Variants in GSE1 observed in about 807,000 individuals in gnomAD.
GSE1 encodes Gse1 coiled-coil protein.
Under a neutral mutation model 112.6 loss-of-function variants are expected in GSE1, and 32 were observed. That is an observed-to-expected ratio of 0.28 (90% confidence interval 0.21 to 0.38). GSE1 has a LOEUF of 0.38. Among genes scored for constraint, GSE1 ranks in the 10% least tolerant of loss-of-function variants. GSE1 has a pLI of 1.00. For missense variants in GSE1, 2,348 were observed against 1,699.2 expected (o/e 1.38, Z -6.71); for synonymous variants, 1,115 against 735.6 (o/e 1.52, Z -8.35).
chr16:85,415,551 C>A (rs998528331), intron 2 of GSE1, among the ~76,000 whole-genome samples: 1 of 152,244 alleles, frequency 6.6e-6, no homozygotes, highest in Non-Finnish European at 1.5e-5. Context: ...GCCGCCTTCT[C>A]AGCCCCCGTC....
intron 1 of GSE1, among the ~76,000 whole-genome samples, chr16:85,567,309 C>G (rs2151312563): frequency 6.6e-6 from 1 of 152,314 alleles, no homozygotes; most frequent in East Asian, 1.9e-4. Flanking sequence ...ATTCTCCCAG[C>G]TGCTGTGCGT....
chr16:85,624,990 C>G (rs1000847598), intron 1 of GSE1, among the ~76,000 whole-genome samples: 23 of 152,192 alleles, frequency 1.5e-4, no homozygotes, highest in Non-Finnish European at 3.4e-4. Context: ...GTACAGGTAG[C>G]CGGCGCCCTG....
In GSE1 at chr16:85,193,357, TG is replaced by T. The variant is rs1207757990; in HGVS notation, c.2283+21551del. ...AAATTTATTCTTATTTTTATTTTTT[TG>T]TAGAGGCAGGATATTGCTCAGTCAC... On this transcript the variant is annotated intron_variant, in intron 1 of 2. Coordinates refer to the GSE1 transcript ENST00000637419. Among the ~76,000 whole-genome samples the T allele has an allele frequency of 2.0e-5, 3 of 152,330 alleles. No individual in the cohort carries two copies. In the East Asian group the frequency reaches 5.8e-4, roughly 29 times the overall value.
At chr16:85,649,520 C>T (rs2051157194) in intron 3 of GSE1, among the ~76,000 whole-genome samples, 1 of 152,180 alleles carries the variant, frequency 6.6e-6, no homozygotes, top group African/African-American at 2.4e-5. Context: ...TCTGTGGGCC[C>T]CTCGCTCTGC....
intron 2 of GSE1, among the ~76,000 whole-genome samples, chr16:85,397,000 G>T (rs1294513103): frequency 1.3e-5 from 2 of 152,340 alleles, no homozygotes; most frequent in East Asian, 3.9e-4. Context: ...GTGAAAAGCA[G>T]AGCAAGGACC....
upstream of GSE1, among the ~76,000 whole-genome samples, chr16:85,551,268 A>G (rs2044901381): frequency 6.6e-6 from 1 of 152,150 alleles, no homozygotes; most frequent in Non-Finnish European, 1.5e-5. Context: ...CTTGGACAGA[A>G]TCCCTCTGGT....
chr16:85,251,613 C>T lies in GSE1; in HGVS notation c.2283+79806C>T, dbSNP rs915622233. ...AGGGGCTGGGCCCGGGGCCTGCCTG[C>T]CTGTGGTGGTGCCTCCCGGGCCTTG... On this transcript the variant is annotated intron_variant, in intron 1 of 2. Coordinates refer to the GSE1 transcript ENST00000637419. Among the ~76,000 whole-genome samples, 10 of 152,248 alleles carry T rather than the reference C, an allele frequency of 6.6e-5. 1 individual carries two copies. The highest frequency in any genetic ancestry group is 2.4e-4 in the African/African-American group (10 of 41,470).
At chr16:85,269,926 G>T (rs567090813) in intron 1 of GSE1, among the ~76,000 whole-genome samples, 1 of 149,706 alleles carries the variant, frequency 6.7e-6, no homozygotes, top group African/African-American at 2.4e-5. Flanking sequence ...TGGACGCTTT[G>T]GAGGGCTTTT....
intron 1 of GSE1, among the ~76,000 whole-genome samples, chr16:85,269,747 C>T (rs1029669865): frequency 2.0e-5 from 3 of 149,408 alleles, no homozygotes; most frequent in Admixed American, 2.0e-4. Context: ...CGCCCTTGCA[C>T]CTGGCACTCT....
intron 8 of GSE1, among the ~76,000 whole-genome samples, chr16:85,659,006 G>A (rs1481627232): frequency 6.6e-6 from 1 of 152,244 alleles, no homozygotes; most frequent in Non-Finnish European, 1.5e-5. Flanking sequence ...GGCCTGACAG[G>A]GCCCTCATGC....
chr16:85,408,112 A>C (rs1270418239), intron 2 of GSE1, among the ~76,000 whole-genome samples: 1 of 30,558 alleles, frequency 3.3e-5, no homozygotes, highest in Non-Finnish European at 6.3e-5. Context: ...GATAATCCTC[A>C]CTGTTACTCT....
chr16:85,398,690 G>C (rs9934875), intron 2 of GSE1, among the ~76,000 whole-genome samples: 92,112 of 151,912 alleles, frequency 0.61, 28,372 homozygotes, highest in East Asian at 0.75. Context: ...CATTTCAGAT[G>C]CTACAACTTT....
At chr16:85,600,928 C>T (rs2047436279) in intron 1 of GSE1, among the ~76,000 whole-genome samples, 1 of 152,168 alleles carries the variant, frequency 6.6e-6, no homozygotes, top group Non-Finnish European at 1.5e-5. Context: ...AACGGCTCAG[C>T]TCAGTGAGCG....
intron 2 of GSE1, among the ~76,000 whole-genome samples, chr16:85,539,916 C>A: frequency 6.6e-6 from 1 of 152,190 alleles, no homozygotes; most frequent in East Asian, 1.9e-4. Flanking sequence ...CCTCGTGGGG[C>A]CTGTGACCTG....
intron 1 of GSE1, among the ~76,000 whole-genome samples, chr16:85,255,506 G>A (rs1200580469): frequency 6.6e-6 from 1 of 151,706 alleles, no homozygotes; most frequent in Non-Finnish European, 1.5e-5. Context: ...TTGCCTCCCG[G>A]GTTCAAGTGA....
chr16:85,474,905 G>A (rs926572373), intron 2 of GSE1, among the ~76,000 whole-genome samples: 31 of 152,162 alleles, frequency 2.0e-4, no homozygotes, highest in African/African-American at 7.5e-4. Flanking sequence ...GACAGACCCC[G>A]TGGTACTGAC....
intron 1 of GSE1, among the ~76,000 whole-genome samples, chr16:85,195,111 G>A (rs1214133578): frequency 6.6e-6 from 1 of 152,132 alleles, no homozygotes; most frequent in South Asian, 2.1e-4. Flanking sequence ...TGAGGGGAGA[G>A]GAGGAACAGG....
intron 1 of GSE1, among the ~76,000 whole-genome samples, chr16:85,567,778 A>C (rs1413816565): frequency 6.6e-6 from 1 of 152,196 alleles, no homozygotes; most frequent in East Asian, 1.9e-4. Flanking sequence ...GCTGGAGTGT[A>C]GTGGTGCGAT....
At chr16:85,498,268 C>T (rs369392154) in intron 2 of GSE1, among the ~76,000 whole-genome samples, 1 of 152,162 alleles carries the variant, frequency 6.6e-6, no homozygotes, top group East Asian at 1.9e-4. Flanking sequence ...TCCCCTTCCC[C>T]ACCAACACAC....
Sources: allele counts gnomAD v4.1 joint callset (sites outside exome capture counted in the v4.1 genomes callset), GRCh38; gene constraint gnomAD v4.1.1; transcripts MANE v1.5; gene names NCBI Gene and HGNC (gene_info 2026-07-23, HGNC 2026-07-21).